Variants in EXOC4 observed in about 807,000 individuals in gnomAD.
EXOC4 encodes SEC8-like 1.
A neutral mutation model predicts 107.2 loss-of-function variants in EXOC4; 71 were observed. The observed-to-expected ratio is 0.66, with a 90% confidence interval of 0.55 to 0.81. The LOEUF (loss-of-function observed/expected upper bound fraction) is 0.81, where lower values mean the gene tolerates loss of function less well. Ranked by LOEUF, EXOC4 falls within the 30% of genes least tolerant of loss-of-function variation. The pLI is 0.00. For missense variants in EXOC4, 1,108 were observed against 1,189.6 expected, an observed-to-expected ratio of 0.93 and a Z score of 1.01; for synonymous variants, 456 against 441.2, an observed-to-expected ratio of 1.03 and a Z score of -0.42.
At chr7:133,961,279 A>ATTTT (rs1800936277) in intron 14 of EXOC4, among the ~76,000 whole-genome samples, 12 of 63,454 alleles carry the variant, frequency 1.9e-4, no homozygotes, top group South Asian at 7.5e-4. Context: ...CTCATGTCAA[A>ATTTT]CTTTTTTTTT....
At chr7:134,074,297 TTC>T in the EXOC4 span, among the ~76,000 whole-genome samples, 1 of 152,212 alleles carries the variant, frequency 6.6e-6, no homozygotes, top group Admixed American at 6.5e-5. Context: ...AAGATAAGTT[TTC>T]TCTCTCTCCT....
At chr7:133,518,700 A>G (rs1438480943) in intron 9 of EXOC4, among the ~76,000 whole-genome samples, 3 of 152,196 alleles carry the variant, frequency 2.0e-5, no homozygotes, top group Admixed American at 6.5e-5. Context: ...TACAACATGG[A>G]TGAACCTTGG....
chr7:133,621,030 C>T (rs1044864380), intron 9 of EXOC4, among the ~76,000 whole-genome samples: 4 of 152,158 alleles, frequency 2.6e-5, no homozygotes, highest in Non-Finnish European at 4.4e-5. Context: ...TTTGCTCTTC[C>T]TAGAACATGC....
intron 17 of EXOC4, among the ~76,000 whole-genome samples, chr7:134,015,369 C>A (rs1409109859): frequency 6.6e-6 from 1 of 152,208 alleles, no homozygotes; most frequent in African/African-American, 2.4e-5. Context: ...AGGACCTAAA[C>A]CAGTACCTGG....
In EXOC4 at chr7:133,744,954, T is replaced by C. The variant is rs150273379; in HGVS notation, c.1515-72371T>C. On this transcript the variant is annotated intron_variant, in intron 10 of 17. Transcript: ENST00000253861. ...ATGATTTCATGGTGAAACTAGTACATAATAAGCATTTGTGTTTTTTACTTA... is the reference window on the plus strand; with the variant it reads ...ATGATTTCATGGTGAAACTAGTACACAATAAGCATTTGTGTTTTTTACTTA... 2.6e-5 allele frequency among the ~76,000 whole-genome samples: 4 copies of C among 152,246 alleles called. No individual in the cohort carries two copies. The East Asian group carries it at 7.7e-4, about 29-fold the overall frequency.
At chr7:133,569,409 A>G (rs1020426088) in intron 9 of EXOC4, among the ~76,000 whole-genome samples, 3 of 152,190 alleles carry the variant, frequency 2.0e-5, no homozygotes, top group Admixed American at 6.5e-5. Flanking sequence ...TGAAAGTAAG[A>G]TAAAATGTGT....
intron 14 of EXOC4, among the ~76,000 whole-genome samples, chr7:133,965,923 C>T (rs759578564): frequency 6.6e-6 from 1 of 152,108 alleles, no homozygotes; most frequent in Non-Finnish European, 1.5e-5. Flanking sequence ...GGCAGTATGG[C>T]CATTTTCACA....
At chr7:133,864,416 T>C (rs1235170109) in intron 11 of EXOC4, among the ~76,000 whole-genome samples, 1 of 152,176 alleles carries the variant, frequency 6.6e-6, no homozygotes, top group East Asian at 1.9e-4. Flanking sequence ...CTACTACACC[T>C]CCTCTTTTGG....
intron 6 of EXOC4, among the ~76,000 whole-genome samples, chr7:133,356,872 C>G (rs1055745085): frequency 8.5e-5 from 13 of 152,152 alleles, no homozygotes; most frequent in African/African-American, 3.1e-4. Context: ...CCCAGCTGTT[C>G]TGGAGGCTGA....
intron 10 of EXOC4, among the ~76,000 whole-genome samples, chr7:133,680,840 T>C (rs1321307353): frequency 5.3e-5 from 8 of 152,220 alleles, no homozygotes; most frequent in Non-Finnish European, 8.8e-5. Context: ...CCAACATTGA[T>C]CTACTTCTTC....
intron 17 of EXOC4, among the ~76,000 whole-genome samples, chr7:134,055,208 A>G (rs1426237686): frequency 2.0e-5 from 3 of 152,200 alleles, no homozygotes; most frequent in Non-Finnish European, 4.4e-5. Context: ...TACAATTTCA[A>G]GAACTGTACT....
intron 9 of EXOC4, among the ~76,000 whole-genome samples, chr7:133,482,864 A>G (rs2150863576): frequency 6.6e-6 from 1 of 152,132 alleles, no homozygotes; most frequent in South Asian, 2.1e-4. Context: ...CCTTTCTGTC[A>G]TCTTTATATG....
chr7:133,783,451 A>G (rs917715552), intron 10 of EXOC4, among the ~76,000 whole-genome samples: 3 of 152,180 alleles, frequency 2.0e-5, no homozygotes, highest in Non-Finnish European at 4.4e-5. Context: ...CCATCATCCT[A>G]TTTGTGGTTC....
intron 10 of EXOC4, among the ~76,000 whole-genome samples, chr7:133,787,948 CATATATTTATATATTTATATATAT>C (rs1386001814): frequency 3.6e-4 from 8 of 22,212 alleles, no homozygotes; most frequent in Non-Finnish European, 4.3e-4. Flanking sequence ...CTTCCCTGTG[CATATATTTATATATTTATATATAT>C]ATATATATAT....
intron 12 of EXOC4, among the ~76,000 whole-genome samples, chr7:133,899,055 A>G (rs1338749710): frequency 6.6e-6 from 1 of 151,846 alleles, no homozygotes; most frequent in Non-Finnish European, 1.5e-5. Context: ...TAATAATATT[A>G]TATTTTAAAT....
intron 9 of EXOC4, among the ~76,000 whole-genome samples, chr7:133,581,322 G>T (rs1274519546): frequency 1.3e-5 from 2 of 152,054 alleles, no homozygotes; most frequent in African/African-American, 4.8e-5. Context: ...TTTAGGTCGC[G>T]GGTACATGTA....
At chr7:133,514,187 A>T (rs1799827610) in intron 9 of EXOC4, among the ~76,000 whole-genome samples, 1 of 151,058 alleles carries the variant, frequency 6.6e-6, no homozygotes, top group Non-Finnish European at 1.5e-5. Flanking sequence ...CTTTTGAGAC[A>T]GGAGTCTCGC....
chr7:133,393,272 TA>T (rs1325106153), intron 7 of EXOC4, among the ~76,000 whole-genome samples: 1 of 152,186 alleles, frequency 6.6e-6, no homozygotes, highest in Non-Finnish European at 1.5e-5. Flanking sequence ...TTAATCAGAT[TA>T]AAAAGGCTCT....
At chr7:133,344,982 TC>T (rs1795751964) in intron 5 of EXOC4, among the ~76,000 whole-genome samples, 1 of 152,182 alleles carries the variant, frequency 6.6e-6, no homozygotes, top group Admixed American at 6.5e-5. Flanking sequence ...TTTCAAGTGA[TC>T]CCGAGGACAT....
Sources: allele counts gnomAD v4.1 joint callset (sites outside exome capture counted in the v4.1 genomes callset), GRCh38; gene constraint gnomAD v4.1.1; transcripts MANE v1.5; gene names NCBI Gene and HGNC (gene_info 2026-07-23, HGNC 2026-07-21).